The following PRDM15 variants were observed in gnomAD, a reference collection of about 807,000 sequenced individuals.
PRDM15 encodes PR domain zinc finger protein 15.
A neutral mutation model predicts 128.6 loss-of-function variants in PRDM15; 64 were observed. The observed-to-expected ratio is 0.50, with a 90% confidence interval of 0.41 to 0.61. The LOEUF is 0.61. PRDM15 is among the 20% of genes least tolerant of loss of function. The pLI is 0.00. For synonymous variants in PRDM15, 615 were observed against 621.8 expected (o/e 0.99, Z 0.16); for missense variants, 1,242 against 1,569.1 (o/e 0.79, Z 3.52).
chr21:41,803,379 G>A (rs188982604), intron 22 of PRDM15, among the ~76,000 whole-genome samples: 60 of 152,202 alleles, frequency 3.9e-4, no homozygotes, highest in African/African-American at 1.4e-3. Flanking sequence ...GACAGGGAAC[G>A]AGGGCCCAGC....
chr21:41,807,692 T>C (rs1410994976), intron 21 of PRDM15, among the ~76,000 whole-genome samples: 1 of 152,148 alleles, frequency 6.6e-6, no homozygotes, highest in Non-Finnish European at 1.5e-5. Context: ...ATCACATCAC[T>C]GGTAGGCATT....
chr21:41,859,732 C>T lies in PRDM15; in HGVS notation c.38-47G>A. ...TTAGAGCACCCAGGGAGGGAGACACCTAAAGAACACAAACCTGGGAAATGG... is the reference window on the plus strand; with the variant it reads ...TTAGAGCACCCAGGGAGGGAGACACTTAAAGAACACAAACCTGGGAAATGG... On this transcript the variant is annotated intron_variant, in intron 2 of 23. Transcript: ENST00000398548. This position sits in a 1 kb window ranked among gnomAD's most constrained non-coding sequence, Gnocchi z 5.3. 1 of 1,518,018 alleles carries T rather than the reference C, an allele frequency of 6.6e-7. No individual in the cohort carries two copies. Among genetic ancestry groups the T allele is most frequent in the Non-Finnish European group, 9.1e-7 (1 of 1,099,392 alleles). The allele number at this position is 1,518,018 out of a possible 1,614,324, so 94.0% of individuals were successfully genotyped here. A position where few individuals can be genotyped will look rare whatever the true frequency, so the allele number is the denominator to read the frequency against.
chr21:41,858,367 C>T (rs2063704159), intron 3 of PRDM15, among the ~76,000 whole-genome samples: 2 of 151,558 alleles, frequency 1.3e-5, no homozygotes, highest in Admixed American at 1.3e-4. Context: ...CAGAGGCGGA[C>T]ATTGGGTGCC....
In PRDM15 at chr21:41,823,350, C is replaced by T. The variant is rs2062353433; in HGVS notation, c.1729G>A (p.Val577Met). ...ICGRKFFRVDVLRDHIHVHFK... is the reference protein window; with the variant it reads ...ICGRKFFRVDMLRDHIHVHFK... ...TGGACATGGATGTGGTCCCTGAGCA[C>T]ATCCACGCGGAAGAACTTGCGCCCG... Residue 577 changes from valine (V) to methionine (M), a missense_variant, in exon 14 of 24, where the codon GTG becomes ATG. Val to Met is a conservative substitution (Grantham distance 21). Around this residue, in one of 3 missense-constraint regions of PRDM15, gnomAD observed 28 missense variants for 63.8 expected, o/e 0.44. Transcript: ENST00000398548. 1 of 1,604,796 alleles carries T rather than the reference C, an allele frequency of 6.2e-7. No homozygotes were observed.
At position 41,804,540 on chromosome 21, in the gene PRDM15, G is replaced by A. The variant is rs771909811; in HGVS notation, c.2727C>T (p.Ile909=). The A allele has an allele frequency of 8.9e-6, 14 of 1,565,654 alleles. No homozygotes were observed. Among genetic ancestry groups the A allele is most frequent in the South Asian group, 2.4e-5 (2 of 84,986 alleles). The change falls in exon 22 of 24, where the codon ATC becomes ATT. Residue 909 remains isoleucine, a synonymous_variant. Transcript: ENST00000398548. ...GGGGCCCCATGCTGCTCACCTGGACGATGCCAATGGAGGAGGCGTCGATGG... is the reference window on the plus strand; with the variant it reads ...GGGGCCCCATGCTGCTCACCTGGACAATGCCAATGGAGGAGGCGTCGATGG... The part of the protein sequence containing the change: ...TTTIDASSIG[I]VQPELTLEQE...
Position 41,854,886 on chromosome 21 carries a change from G to C in PRDM15, c.286-68C>G, listed in dbSNP as rs576432110. On this transcript the variant is annotated intron_variant, in intron 4 of 23. Coordinates refer to ENST00000398548, the MANE Select transcript of PRDM15 (RefSeq NM_001040424.3). The surrounding 1 kb of genome is among the most constrained non-coding windows in gnomAD (Gnocchi z 4.6). ...ATTACCCATCTGTGTATCAGCGTGT[G>C]GGGGGCAGGTGCTGAGGAACCCATC... 4.6e-6 allele frequency: 7 copies of C among 1,531,452 alleles called. No individual in the cohort carries two copies. The highest frequency in any genetic ancestry group is 2.3e-5 in the East Asian group (1 of 43,726). 94.9% of individuals were successfully genotyped at this position (1,531,452 alleles called of 1,614,324 possible). A position where few individuals can be genotyped will look rare whatever the true frequency, so the allele number is the denominator to read the frequency against.
intron 11 of PRDM15, among the ~76,000 whole-genome samples, chr21:41,834,301 C>T (rs4920071): frequency 0.57 from 87,126 of 151,912 alleles, 25,366 homozygotes; most frequent in Admixed American, 0.65. Flanking sequence ...AAGGGCCCCC[C>T]GCGCCCAGCA....
intron 6 of PRDM15, among the ~76,000 whole-genome samples, chr21:41,845,577 G>A (rs944406139): frequency 2.6e-5 from 4 of 151,818 alleles, no homozygotes; most frequent in Admixed American, 2.6e-4. Flanking sequence ...CCGTGCTGTG[G>A]GCAGGGACTC....
Position 41,828,671 on chromosome 21 carries a change from C to A in PRDM15, c.1367-338G>T, listed in dbSNP as rs1366787498. Among the ~76,000 whole-genome samples the A allele has an allele frequency of 6.6e-6, 1 of 151,956 alleles. No individual in the cohort carries two copies. The highest frequency in any genetic ancestry group is 2.4e-5 in the African/African-American group (1 of 41,332). ...GGAAAGCTGCCCAGTCCAAAGCTTC[C>A]CCTGGGCCTGCACCCTCCACCCAGC... On this transcript the variant is annotated intron_variant, in intron 11 of 23. Coordinates refer to ENST00000398548, the MANE Select transcript of PRDM15 (RefSeq NM_001040424.3). The surrounding 1 kb of genome is among the most constrained non-coding windows in gnomAD (Gnocchi z 5.7).
intron 1 of PRDM15, chr21:41,878,802 G>A (rs745865173): frequency 5.6e-6 from 7 of 1,255,860 alleles, no homozygotes; most frequent in Non-Finnish European, 7.1e-6. Flanking sequence ...CTGGGGCCTC[G>A]GCGACGACGC....
intron 21 of PRDM15, among the ~76,000 whole-genome samples, chr21:41,806,093 TCACCACCACCATCACCAC>T (rs2061580727): frequency 8.7e-4 from 2 of 2,300 alleles, no homozygotes; most frequent in East Asian, 0.019. Context: ...ACCACCACCA[TCACCACCACCATCACCAC>T]CACCACCACC....
In PRDM15 at chr21:41,815,966, G is replaced by A. The variant is rs906443011; in HGVS notation, c.2261-130C>T. 11 of 1,143,196 alleles carry A rather than the reference G, an allele frequency of 9.6e-6. No homozygotes were observed. In the Middle Eastern group the frequency reaches 8.2e-4, roughly 85 times the overall value. 70.8% of individuals were successfully genotyped at this position (1,143,196 alleles called of 1,614,324 possible). On this transcript the variant is annotated intron_variant, in intron 18 of 23. Transcript: ENST00000398548. The stretch of plus-strand genomic sequence containing the variant: ...CTGGTGAGGGTGTGGGCCGGCCCCC[G>A]AGGATCCCGGTCAGTCCACCAGCGG...
Position 41,854,706 on chromosome 21 carries a change from G to A in PRDM15, c.398C>T (p.Ala133Val). 5.0e-6 allele frequency: 8 copies of A among 1,613,494 alleles called. No individual in the cohort carries two copies. The highest frequency in any genetic ancestry group is 6.8e-6 in the Non-Finnish European group (8 of 1,179,968). ...GTACACGTCGCTGCCGTGCTGGTAGGCCGTCAGGTTCTGGTGCTCGGCCTC... is the reference window on the plus strand; with the variant it reads ...GTACACGTCGCTGCCGTGCTGGTAGACCGTCAGGTTCTGGTGCTCGGCCTC... ...AAEAEHQNLT[A>V]YQHGSDVYFT... The change falls in exon 5 of 24, where the codon GCC becomes GTC. Residue 133 changes from alanine (A) to valine (V), a missense_variant. By Grantham distance (64) the Ala-to-Val change is moderately conservative (BLOSUM62 0). This residue lies in a region of PRDM15 where 612 missense variants were observed against 717.0 expected (regional missense o/e 0.85). Transcript: ENST00000398548. The surrounding 1 kb of genome is among the most constrained non-coding windows in gnomAD (Gnocchi z 4.6).
Position 41,810,973 on chromosome 21 carries a change from A to G in PRDM15, c.2393-137T>C, listed in dbSNP as rs1218671190. 15 of 710,214 alleles carry G rather than the reference A, an allele frequency of 2.1e-5. No homozygotes were observed. Among genetic ancestry groups the G allele is most frequent in the Non-Finnish European group, 2.9e-5 (12 of 407,672 alleles). 44.0% of individuals were successfully genotyped at this position (710,214 alleles called of 1,614,324 possible). ...GTGAATTGCAAGAAGACAGCAGACA[A>G]TGAACGCTCATCCCCAGCCTCGGCC... is the stretch of plus-strand genomic sequence containing the variant. On this transcript the variant is annotated intron_variant, in intron 19 of 23. Transcript: ENST00000398548. The surrounding 1 kb of genome is among the most constrained non-coding windows in gnomAD (Gnocchi z 6.4).
chr21:41,803,169 C>CT lies in PRDM15; in HGVS notation c.2734-249dup, dbSNP rs1473480612. ...ATATTTTTAAAAGTTGTATTTTATG[C>CT]TAAAATGTAAACACTTCTTAGAAAC... On this transcript the variant is annotated intron_variant, in intron 22 of 23. Transcript: ENST00000398548. 1.6e-5 allele frequency: 9 copies of CT among 546,694 alleles called. No individual in the cohort carries two copies. The African/African-American group carries it at 1.7e-4, about 10-fold the overall frequency. 33.9% of individuals were successfully genotyped at this position (546,694 alleles called of 1,614,324 possible). A position where few individuals can be genotyped will look rare whatever the true frequency, so the allele number is the denominator to read the frequency against.
At chr21:41,823,490 C>A in intron 13 of PRDM15, 41 bp from the exon 14 acceptor site, 2 of 1,535,666 alleles carry the variant, frequency 1.3e-6, no homozygotes, top group African/African-American at 1.4e-5. Flanking sequence ...TGCGGCGTCT[C>A]GTGACGGGAA....
In PRDM15 at chr21:41,820,126, C is replaced by T. The variant is rs763797944; in HGVS notation, c.2109G>A (p.Gly703=). 2.0e-5 allele frequency: 33 copies of T among 1,613,792 alleles called. No individual in the cohort carries two copies. In the South Asian group the frequency reaches 2.6e-4, roughly 13 times the overall value. The change falls in exon 17 of 24, where the codon GGG becomes GGA. Residue 703 remains glycine, a synonymous_variant. Transcript: ENST00000398548. ...EICGRIFNSI[G]NLERHKLIHT... Reference sequence around the variant, plus strand: ...GGATGAGCTTGTGGCGCTCCAGGTTCCCGATGCTGTTGAAGATCCGCCCGC... The same window carrying T: ...GGATGAGCTTGTGGCGCTCCAGGTTTCCGATGCTGTTGAAGATCCGCCCGC...
intron 1 of PRDM15, chr21:41,863,160 C>G (rs977705626): frequency 6.0e-5 from 9 of 150,004 alleles, no homozygotes; most frequent in African/African-American, 1.7e-4. Context: ...CCGAGTGAGA[C>G]TCCACCTCAA....
intron 8 of PRDM15, chr21:41,837,046 G>C (rs997643338): frequency 6.4e-6 from 1 of 155,856 alleles, no homozygotes; most frequent in African/African-American, 2.4e-5. Context: ...ATGTATTTTT[G>C]ATGGTAAGCC....
Sources: allele counts gnomAD v4.1 joint callset (sites outside exome capture counted in the v4.1 genomes callset), GRCh38; gene constraint gnomAD v4.1.1; regional missense constraint gnomAD v4.1.1; non-coding constraint Gnocchi (gnomAD v3.1); transcripts MANE v1.5; gene names NCBI Gene and HGNC (gene_info 2026-07-23, HGNC 2026-07-21).